The following SH2D1A variants were observed in gnomAD, a reference collection of about 807,000 sequenced individuals.
SH2D1A encodes SH2 domain-containing protein 1A.
A neutral mutation model predicts 10.1 loss-of-function variants in SH2D1A; 6 were observed. That is an observed-to-expected ratio of 0.60 (90% CI 0.33 to 1.18). The LOEUF (loss-of-function observed/expected upper bound fraction) is 1.18, where lower values mean the gene tolerates loss of function less well. Ranked by LOEUF, SH2D1A falls within the 50% of genes most tolerant of loss-of-function variation. The probability of loss-of-function intolerance (pLI) is 0.04; values close to 1 mark genes in which losing one functional copy is unlikely to be tolerated. For synonymous variants in SH2D1A, 42 were observed against 36.9 expected, an observed-to-expected ratio of 1.14 and a Z score of -0.51; for missense variants, 51 against 97.6, an observed-to-expected ratio of 0.52 and a Z score of 2.01.
chrX:124,370,704 A>G (rs755601607), intron 3 of SH2D1A, among the ~76,000 whole-genome samples: 1 of 112,102 alleles, frequency 8.9e-6, no homozygotes, highest in East Asian at 2.8e-4. Context: ...TTTGCTTAGT[A>G]AACTGTTTTT....
chrX:124,351,264 C>T (rs1211586905), intron 1 of SH2D1A, among the ~76,000 whole-genome samples: 2 of 107,044 alleles, frequency 1.9e-5, no homozygotes, highest in African/African-American at 6.7e-5. Context: ...GCATGGTAGT[C>T]CAGCTAGCTA....
chrX:124,346,819 G>A (rs1427648537), intron 1 of SH2D1A, 40 bp downstream of exon 1: 1 of 1,205,966 alleles, frequency 8.3e-7, no homozygotes, highest in South Asian at 1.8e-5. Context: ...CTGAGGGTGT[G>A]GGCGGTGGGC....
At chrX:124,365,927 G>C in intron 2 of SH2D1A, 103 bp downstream of exon 2, 1 of 549,420 alleles carries the variant, frequency 1.8e-6, no homozygotes, top group Non-Finnish European at 3.2e-6. Flanking sequence ...GTATTCATAA[G>C]GTTTAAATCT....
At chrX:124,353,758 A>G (rs1055039794) in intron 1 of SH2D1A, among the ~76,000 whole-genome samples, 1 of 112,400 alleles carries the variant, frequency 8.9e-6, no homozygotes, top group Non-Finnish European at 1.9e-5. Context: ...GAAGATTTGG[A>G]AGAAGAAATG....
chrX:124,367,016 T>C (rs888623661), intron 2 of SH2D1A, among the ~76,000 whole-genome samples: 1 of 110,651 alleles, frequency 9.0e-6, no homozygotes, highest in African/African-American at 3.3e-5. Context: ...CTTAAATGCT[T>C]AGGGTTTAAC....
At chrX:124,354,646 G>GA (rs1442343082) in intron 1 of SH2D1A, among the ~76,000 whole-genome samples, 8 of 111,570 alleles carry the variant, frequency 7.2e-5, no homozygotes, top group Non-Finnish European at 1.3e-4. Flanking sequence ...TGGTGATAAT[G>GA]AGAGTACTTA....
Position 124,350,270 on chromosome X carries a change from TTA to T in SH2D1A, c.137+3498_137+3499del, listed in dbSNP as rs1483266896. 4.0e-4 allele frequency among the ~76,000 whole-genome samples: 13 copies of T among 32,884 alleles called. 1 individual carries two copies. Among genetic ancestry groups the T allele is most frequent in the South Asian group, 1.4e-3 (1 of 731 alleles). 28.6% of individuals were successfully genotyped at this position (32,884 alleles called of 115,157 possible). A position where few individuals can be genotyped will look rare whatever the true frequency, so the allele number is the denominator to read the frequency against. On this transcript the variant is annotated intron_variant, in intron 1 of 3. Coordinates refer to ENST00000371139, the MANE Select transcript of SH2D1A (RefSeq NM_002351.5). The stretch of plus-strand genomic sequence containing the variant: ...ATAATATATAATATATAAATATATA[TTA>T]TATATAATATTATATAATATATAAT...
chrX:124,347,547 G>C (rs969746388), intron 1 of SH2D1A, among the ~76,000 whole-genome samples: 1 of 111,568 alleles, frequency 9.0e-6, no homozygotes, highest in Non-Finnish European at 1.9e-5. Context: ...CAGGGCTCCG[G>C]AGTCAGGCAG....
chrX:124,356,551 G>C (rs1457704022), intron 1 of SH2D1A, among the ~76,000 whole-genome samples: 1 of 112,403 alleles, frequency 8.9e-6, no homozygotes, highest in Non-Finnish European at 1.9e-5. Context: ...AGGCTCAAGC[G>C]ATTCTCCTGC....
intron 2 of SH2D1A, among the ~76,000 whole-genome samples, chrX:124,366,943 A>G (rs1277429286): frequency 9.2e-6 from 1 of 109,134 alleles, no homozygotes; most frequent in Non-Finnish European, 1.9e-5. Context: ...TTTCGCCAGA[A>G]ATAGCTCTTC....
At chrX:124,350,800 A>C (rs1399170154) in intron 1 of SH2D1A, among the ~76,000 whole-genome samples, 1 of 6,026 alleles carries the variant, frequency 1.7e-4, no homozygotes, top group Non-Finnish European at 2.1e-4. Context: ...TATATTATAT[A>C]TTGTATATAA....
At position 124,371,947 on chromosome X, in the gene SH2D1A, G is replaced by T. The variant is rs912191850; in HGVS notation, c.*556G>T. Reference sequence around the variant, plus strand: ...GTTTAATTCTGAAAGCAACCTTCTTGCCTAGTGTTCTGATATTGGACAGTA... The same window carrying T: ...GTTTAATTCTGAAAGCAACCTTCTTTCCTAGTGTTCTGATATTGGACAGTA... On this transcript the variant is annotated 3_prime_UTR_variant, in exon 4 of 4. Transcript: ENST00000371139. 4 of 156,132 alleles carry T rather than the reference G, an allele frequency of 2.6e-5. No individual in the cohort carries two copies. The East Asian group carries it at 2.9e-4, about 11-fold the overall frequency. 12.9% of individuals were successfully genotyped at this position (156,132 alleles called of 1,213,427 possible). A position where few individuals can be genotyped will look rare whatever the true frequency, so the allele number is the denominator to read the frequency against.
At chrX:124,365,662 C>T (rs1426412079) in intron 1 of SH2D1A, 99 bp from the exon 2 acceptor site, 27 of 593,526 alleles carry the variant, frequency 4.5e-5, no homozygotes, top group Non-Finnish European at 7.1e-5. Context: ...ATACGTGTGT[C>T]CTAGTATATG....
chrX:124,369,498 G>A (rs1569527649), intron 2 of SH2D1A, among the ~76,000 whole-genome samples: 1 of 111,900 alleles, frequency 8.9e-6, no homozygotes, highest in East Asian at 2.8e-4. Flanking sequence ...TCATTTTCAT[G>A]TCATAGAGAA....
chrX:124,368,583 A>C (rs2060061751), intron 2 of SH2D1A, among the ~76,000 whole-genome samples: 1 of 112,233 alleles, frequency 8.9e-6, no homozygotes, highest in South Asian at 3.7e-4. Context: ...GCCCAGTTCT[A>C]ATCTGAAAGG....
intron 1 of SH2D1A, among the ~76,000 whole-genome samples, chrX:124,365,172 C>T (rs775715867): frequency 5.2e-4 from 57 of 110,509 alleles, no homozygotes; most frequent in Non-Finnish European, 1.0e-3. Flanking sequence ...ATGCACTTCT[C>T]ATAATGTATC....
chrX:124,356,698 A>T (rs1189026925), intron 1 of SH2D1A, among the ~76,000 whole-genome samples: 2 of 111,935 alleles, frequency 1.8e-5, no homozygotes, highest in Admixed American at 1.9e-4. Context: ...TGACCTTGTG[A>T]TCCACCCACT....
intron 1 of SH2D1A, among the ~76,000 whole-genome samples, chrX:124,360,344 G>A (rs904639190): frequency 1.3e-4 from 13 of 103,311 alleles, no homozygotes; most frequent in African/African-American, 4.6e-4. Context: ...GCTCACACCT[G>A]TAATCCTACT....
intron 1 of SH2D1A, among the ~76,000 whole-genome samples, chrX:124,357,584 G>A (rs1423272768): frequency 9.0e-6 from 1 of 111,246 alleles, no homozygotes; most frequent in Non-Finnish European, 1.9e-5. Context: ...TTTTATAATG[G>A]CTGTACTAAT....
Sources: gnomAD v4.1 joint callset for allele counts (sites outside exome capture counted in the v4.1 genomes callset) on GRCh38, gnomAD v4.1.1 for gene constraint, MANE v1.5 for transcripts, NCBI Gene and HGNC (gene_info 2026-07-23, HGNC 2026-07-21) for gene names.